Variants in LRSAM1 observed in about 807,000 individuals in gnomAD.
LRSAM1 encodes the protein E3 ubiquitin-protein ligase LRSAM1.
LRSAM1 carries 96 observed loss-of-function variants against 118.1 expected under a neutral mutation model. The observed-to-expected ratio is 0.81, with a 90% CI of 0.69 to 0.96. The LOEUF (loss-of-function observed/expected upper bound fraction) is 0.96, where lower values mean the gene tolerates loss of function less well. Ranked by LOEUF, LRSAM1 falls within the 40% of genes least tolerant of loss-of-function variation. The pLI is 0.00. For missense variants in LRSAM1, 804 were observed against 915.5 expected, an observed-to-expected ratio of 0.88 and a Z score of 1.57; for synonymous variants, 322 against 364.2, an observed-to-expected ratio of 0.88 and a Z score of 1.32.
rs1200608305 is a variant in LRSAM1 at position 127,473,716 on chromosome 9, G to A, written c.620-85G>A. 8.1e-6 allele frequency: 13 copies of A among 1,597,722 alleles called. 1 individual carries two copies. Among genetic ancestry groups the A allele is most frequent in the South Asian group, 4.4e-5 (4 of 90,364 alleles). On this transcript the variant is annotated intron_variant, in intron 10 of 25. Coordinates refer to ENST00000300417, the MANE Select transcript of LRSAM1 (RefSeq NM_001005373.4). ...GCAGTGGCTGAGTCAGGGTGGGGCC[G>A]GCTGCCCTGGCAGTGGGAGCGGGTG...
At chr9:127,469,958 C>G (rs192558887) in intron 10 of LRSAM1, among the ~76,000 whole-genome samples, 38 of 152,026 alleles carry the variant, frequency 2.5e-4, no homozygotes, top group Non-Finnish European at 4.7e-4. Flanking sequence ...GAGCAAGACT[C>G]CATCTCAAAA....
At chr9:127,452,983 T>G (rs962679800) in intron 2 of LRSAM1, among the ~76,000 whole-genome samples, 1 of 152,202 alleles carries the variant, frequency 6.6e-6, no homozygotes, top group East Asian at 1.9e-4. Flanking sequence ...GCAAATCCCA[T>G]AGGTCAGGAC....
At position 127,458,905 on chromosome 9, in the gene LRSAM1, G is replaced by A. The variant is rs115106486; in HGVS notation, c.253-98G>A. 2,077 of 1,111,014 alleles carry A rather than the reference G, an allele frequency of 1.9e-3. 34 individuals carry two copies. In the African/African-American group the frequency reaches 0.03, roughly 16 times the overall value. The allele number at this position is 1,111,014 out of a possible 1,614,324, so 68.8% of individuals were successfully genotyped here. Reference sequence around the variant, plus strand: ...GTGGCAGGCACTCTGTTTCTGCACTGGGGGTGTGAGGTGGCCCCAGCCCCT... The same window carrying A: ...GTGGCAGGCACTCTGTTTCTGCACTAGGGGTGTGAGGTGGCCCCAGCCCCT... On this transcript the variant is annotated intron_variant, in intron 6 of 25. Transcript: ENST00000300417.
intron 21 of LRSAM1, among the ~76,000 whole-genome samples, chr9:127,494,561 G>A (rs776645617): frequency 6.6e-6 from 1 of 152,242 alleles, no homozygotes; most frequent in Non-Finnish European, 1.5e-5. Context: ...TGTTGTCACC[G>A]TGGCTGTTAT....
At chr9:127,496,564 ATTTTAAGCACT>A (rs1836153062) in intron 23 of LRSAM1, among the ~76,000 whole-genome samples, 2 of 152,310 alleles carry the variant, frequency 1.3e-5, no homozygotes, top group South Asian at 4.1e-4. Context: ...GCGGGGCACC[ATTTTAAGCACT>A]TTTTGTATTC....
rs1373508856 is a variant in LRSAM1 at position 127,467,721 on chromosome 9, G to T, written c.529-19G>T. 1 of 1,603,820 alleles carries T rather than the reference G, an allele frequency of 6.2e-7. No homozygotes were observed. Among genetic ancestry groups the T allele is most frequent in the Admixed American group, 1.7e-5 (1 of 58,360 alleles). ...GCGTTGGTAGCGAACAGTAAAGCGG[G>T]TTACCCTTGTGTCTGCAGATGCTGA... On this transcript the variant is annotated intron_variant, in intron 9 of 25. Transcript: ENST00000300417.
Position 127,462,238 on chromosome 9 carries a change from T to TG in LRSAM1, c.407-10dup. 1.2e-6 allele frequency: 2 copies of TG among 1,613,896 alleles called. No individual in the cohort carries two copies. The highest frequency in any genetic ancestry group is 1.7e-6 in the Non-Finnish European group (2 of 1,179,854). Reference sequence around the variant, plus strand: ...GATTTGGGGTGTTGAGCTGTGCTATTGGGGTCTCTGCAGACAACAAGCTGA... The same window carrying TG: ...GATTTGGGGTGTTGAGCTGTGCTATTGGGGGTCTCTGCAGACAACAAGCTGA... On this transcript the variant is annotated splice_polypyrimidine_tract_variant and intron_variant, in intron 8 of 25. Coordinates refer to ENST00000300417, the MANE Select transcript of LRSAM1 (RefSeq NM_001005373.4).
chr9:127,502,022 A>G (rs1427618854), intron 25 of LRSAM1, among the ~76,000 whole-genome samples: 2 of 152,168 alleles, frequency 1.3e-5, no homozygotes, highest in African/African-American at 4.8e-5. Flanking sequence ...TGCTGAGGCA[A>G]AGTGTGGTCC....
At chr9:127,487,056 C>T (rs1237303891) in intron 17 of LRSAM1, among the ~76,000 whole-genome samples, 2 of 151,962 alleles carry the variant, frequency 1.3e-5, no homozygotes, top group East Asian at 1.9e-4. Flanking sequence ...TAGCAGTGGG[C>T]GCCTGTAATC....
Position 127,485,761 on chromosome 9 carries a change from G to C in LRSAM1, c.1185G>C (p.Glu395Asp), listed in dbSNP as rs1406154894. 6.2e-7 allele frequency: 1 copy of C among 1,614,128 alleles called. No homozygotes were observed. Among genetic ancestry groups the C allele is most frequent in the African/African-American group, 1.3e-5 (1 of 75,032 alleles). ...CCGCCATGCAGCAGATGCTGACTGA[G>C]AGCTGTAAGAACCGGCTCATCCAGA... ...VASAMQQMLT[E>D]SCKNRLIQMA... The change falls in exon 17 of 26, where the codon GAG becomes GAC. Residue 395 changes from glutamate to aspartate, a missense_variant. By Grantham distance (45) the Glu-to-Asp change is conservative. Transcript: ENST00000300417.
chr9:127,482,443 A>G (rs763127080), intron 15 of LRSAM1, among the ~76,000 whole-genome samples: 1 of 152,104 alleles, frequency 6.6e-6, no homozygotes, highest in Non-Finnish European at 1.5e-5. Context: ...GCACCCGGCC[A>G]TGTGACTATT....
In LRSAM1 at chr9:127,462,382, G is replaced by A; in HGVS notation, c.528+9G>A. On this transcript the variant is annotated intron_variant, in intron 9 of 25. Coordinates refer to ENST00000300417, the MANE Select transcript of LRSAM1 (RefSeq NM_001005373.4). ...ACGTTCGAACCCTGGAGGTAAATGG[G>A]AAGCTGTTCTTGCCTGGGGTGCTCT... 2 of 1,613,790 alleles carry A rather than the reference G, an allele frequency of 1.2e-6. No homozygotes were observed. Among genetic ancestry groups the A allele is most frequent in the Non-Finnish European group, 1.7e-6 (2 of 1,179,836 alleles).
At chr9:127,490,487 G>A (rs1042536175) in intron 19 of LRSAM1, among the ~76,000 whole-genome samples, 8 of 151,974 alleles carry the variant, frequency 5.3e-5, no homozygotes, top group South Asian at 2.1e-4. Context: ...ACACACCCTG[G>A]AGAGCCTGTG....
intron 20 of LRSAM1, among the ~76,000 whole-genome samples, chr9:127,492,465 A>G (rs934197181): frequency 1.3e-5 from 2 of 152,142 alleles, no homozygotes; most frequent in Admixed American, 6.5e-5. Context: ...GGGGCCCCAC[A>G]CTGCTCCCCG....
intron 19 of LRSAM1, 103 bp from the exon 20 acceptor site, chr9:127,491,112 C>A: frequency 1.1e-6 from 1 of 949,308 alleles, no homozygotes; most frequent in Admixed American, 1.7e-5. Context: ...CCAGCCTCCC[C>A]AGAAAGGCTT....
At chr9:127,497,600 T>C (rs549258102) in intron 24 of LRSAM1, among the ~76,000 whole-genome samples, 2 of 152,290 alleles carry the variant, frequency 1.3e-5, no homozygotes, top group South Asian at 4.1e-4. Context: ...CCCATAGCCT[T>C]CCCTCAGTCC....
rs1418948523 is a variant in LRSAM1, at chr9:127,495,378, A to C, written c.1658A>C (p.Gln553Pro). The C allele has an allele frequency of 6.2e-7, 1 of 1,614,056 alleles. No individual in the cohort carries two copies. Among genetic ancestry groups the C allele is most frequent in the Non-Finnish European group, 8.5e-7 (1 of 1,180,032 alleles). Residue 553 changes from glutamine (Q) to proline (P), a missense_variant, in exon 22 of 26, where the codon CAA (glutamine) becomes CCA (proline). By Grantham distance (76) the Gln-to-Pro change is moderately conservative. Transcript: ENST00000300417. ...RQENYWLIQY[Q>P]RLLNQKPLSL... ...GAAAATTACTGGCTGATTCAGTATC[A>C]ACGGCTTTTGAACCAGAAGCCCTTG... is the stretch of plus-strand genomic sequence containing the variant.
chr9:127,478,957 G>A lies in LRSAM1; in HGVS notation c.774G>A (p.Lys258=). Residue 258 remains lysine (K), a synonymous_variant, in exon 12 of 26, where the codon AAG becomes AAA. Coordinates refer to ENST00000300417, the MANE Select transcript of LRSAM1 (RefSeq NM_001005373.4). ...EWQNRFSDYE[K]RKEQKMLEKL... is the part of the protein sequence containing the mutation. Reference sequence around the variant, plus strand: ...AGAACAGGTTCTCAGACTATGAGAAGAGGAAGGTAAGAAAATGCCTTTACC... The same window carrying A: ...AGAACAGGTTCTCAGACTATGAGAAAAGGAAGGTAAGAAAATGCCTTTACC... 1 of 1,613,924 alleles carries A rather than the reference G, an allele frequency of 6.2e-7. No individual in the cohort carries two copies. Among genetic ancestry groups the A allele is most frequent in the Non-Finnish European group, 8.5e-7 (1 of 1,179,774 alleles).
chr9:127,498,751 T>A (rs1417543165), intron 24 of LRSAM1, among the ~76,000 whole-genome samples: 1 of 152,178 alleles, frequency 6.6e-6, no homozygotes, highest in Admixed American at 6.5e-5. Context: ...GAAATCGGTA[T>A]ACTTTATATC....
Sources: allele counts gnomAD v4.1 joint callset (sites outside exome capture counted in the v4.1 genomes callset), GRCh38; gene constraint gnomAD v4.1.1; transcripts MANE v1.5; gene names NCBI Gene and HGNC (gene_info 2026-07-23, HGNC 2026-07-21).